BOK: variants seen among roughly 807,000 people sequenced by gnomAD.
BOK encodes BCL2 family apoptosis regulator BOK, also known as bcl-2-related ovarian killer protein.
A neutral mutation model predicts 18.3 loss-of-function variants in BOK; 20 were observed. That is an observed-to-expected ratio of 1.09 (90% CI 0.77 to 1.59). BOK has a LOEUF of 1.59. Ranked by LOEUF, BOK falls within the 40% of genes most tolerant of loss-of-function variation. The pLI, the probability that BOK is intolerant of heterozygous loss-of-function variation, is 0.00. For synonymous variants in BOK, 173 were observed against 142.4 expected, an observed-to-expected ratio of 1.21 and a Z score of -1.53; for missense variants, 348 against 307.9, an observed-to-expected ratio of 1.13 and a Z score of -0.97.
At chr2:241,559,053 G>C (rs1377306871) in intron 1 of BOK, 60 bp downstream of exon 1, 1 of 152,206 alleles carries the variant, frequency 6.6e-6, no homozygotes, top group African/African-American at 2.4e-5. Flanking sequence ...GGAACGGCGA[G>C]GCCGGGGACA....
chr2:241,557,623 CCTT>C (rs991295674), upstream of BOK, among the ~76,000 whole-genome samples: 36 of 152,218 alleles, frequency 2.4e-4, no homozygotes, highest in African/African-American at 7.7e-4. Flanking sequence ...AATTTTCAAT[CCTT>C]CTTCTAAAGC....
chr2:241,573,740 C>T lies in BOK; in HGVS notation c.*1318C>T, dbSNP rs115909425. On this transcript the variant is annotated 3_prime_UTR_variant, in exon 5 of 5. Transcript: ENST00000318407. ...ATTTTTGTGCTCATCCTCATACAAC[C>T]ATTTGGGGATGTGCCTATTAGGGCT... 6.6e-6 allele frequency: 1 copy of T among 152,244 alleles called. No individual in the cohort carries two copies. Among genetic ancestry groups the T allele is most frequent in the African/African-American group, 2.4e-5 (1 of 41,450 alleles). 9.4% of individuals were successfully genotyped at this position (152,244 alleles called of 1,614,324 possible). A position where few individuals can be genotyped will look rare whatever the true frequency, so the allele number is the denominator to read the frequency against.
chr2:241,556,049 C>T (rs2066447966), upstream of BOK, among the ~76,000 whole-genome samples: 1 of 152,180 alleles, frequency 6.6e-6, no homozygotes, highest in Non-Finnish European at 1.5e-5. Flanking sequence ...CTGGCCATGC[C>T]CAGTCTTGCA....
chr2:241,554,991 G>A (rs148498364), upstream of BOK, among the ~76,000 whole-genome samples: 990 of 152,216 alleles, frequency 6.5e-3, 14 homozygotes, highest in African/African-American at 0.023. Flanking sequence ...GAAAATCAGG[G>A]CCAAAGGTGA....
At chr2:241,563,534 C>T (rs1034974364) in intron 3 of BOK, among the ~76,000 whole-genome samples, 13 of 152,300 alleles carry the variant, frequency 8.5e-5, no homozygotes, top group South Asian at 2.1e-4. Context: ...CAGTGAACCC[C>T]GGGGTGCGCA....
At chr2:241,559,193 G>T (rs1397356598) in intron 1 of BOK, among the ~76,000 whole-genome samples, 200 bp downstream of exon 1, 1 of 151,620 alleles carries the variant, frequency 6.6e-6, no homozygotes. Flanking sequence ...ACTCGTCTTC[G>T]AGGGCGGGCC....
chr2:241,570,191 G>A lies in BOK; in HGVS notation c.416G>A (p.Arg139Lys), dbSNP rs2066688817. Residue 139 changes from arginine (R) to lysine (K), a missense_variant, in exon 4 of 5, where the codon AGG becomes AAG. By Grantham distance (26) the Arg-to-Lys change is conservative. Coordinates refer to ENST00000318407, the MANE Select transcript of BOK (RefSeq NM_032515.5). ...VAAGLAVDCV[R>K]QAQPAMVHAL... ...GCGGGGCTGGCCGTGGACTGTGTGAGGCAGGCCCAGCCTGCCATGGTCCAC... is the reference window on the plus strand; with the variant it reads ...GCGGGGCTGGCCGTGGACTGTGTGAAGCAGGCCCAGCCTGCCATGGTCCAC... 1.2e-6 allele frequency: 2 copies of A among 1,608,396 alleles called. No individual in the cohort carries two copies. Among genetic ancestry groups the A allele is most frequent in the South Asian group, 2.2e-5 (2 of 90,592 alleles).
At chr2:241,570,507 G>A (rs74201594) in intron 4 of BOK, among the ~76,000 whole-genome samples, 8 of 41,716 alleles carry the variant, frequency 1.9e-4, no homozygotes, top group Non-Finnish European at 9.3e-5. Flanking sequence ...ACGGGAGGGA[G>A]TGGCGGATGG....
At chr2:241,551,828 C>T (rs957350330) in intron 1 of BOK, among the ~76,000 whole-genome samples, 6 of 151,968 alleles carry the variant, frequency 3.9e-5, no homozygotes, top group African/African-American at 9.7e-5. Context: ...CGAGGGTGGG[C>T]TGGGATGGTG....
At chr2:241,569,230 C>G (rs756146606) in intron 3 of BOK, among the ~76,000 whole-genome samples, 4 of 152,224 alleles carry the variant, frequency 2.6e-5, no homozygotes, top group African/African-American at 4.8e-5. Context: ...TCCCCGGGTT[C>G]AAGTGATTCT....
chr2:241,562,552 A>C lies in BOK; in HGVS notation c.349+76A>C. 1.3e-6 allele frequency: 2 copies of C among 1,503,690 alleles called. No homozygotes were observed. Among genetic ancestry groups the C allele is most frequent in the Non-Finnish European group, 1.8e-6 (2 of 1,128,334 alleles). The allele number at this position is 1,503,690 out of a possible 1,614,324, so 93.1% of individuals were successfully genotyped here. A position where few individuals can be genotyped will look rare whatever the true frequency, so the allele number is the denominator to read the frequency against. On this transcript the variant is annotated intron_variant, in intron 3 of 4. Coordinates refer to ENST00000318407, the MANE Select transcript of BOK (RefSeq NM_032515.5). The surrounding 1 kb of genome is among the most constrained non-coding windows in gnomAD (Gnocchi z 4.5). ...TGTGGCTCAGGCTCACAGGGACCCC[A>C]CGAGCTGGCCCCCACCCATCCTGGC... is the stretch of plus-strand genomic sequence containing the variant.
rs574409169 is a variant in BOK at position 241,560,493 on chromosome 2, T to C, written c.220+790T>C. Among the ~76,000 whole-genome samples, 13 of 152,240 alleles carry C rather than the reference T, an allele frequency of 8.5e-5. No homozygotes were observed. In the South Asian group the frequency reaches 2.7e-3, roughly 31 times the overall value. The stretch of plus-strand genomic sequence containing the variant: ...GGCACGACCCCGTGAGGGGACACGC[T>C]GCCTCCTCTCAGGCTGGCGCTGGCA... On this transcript the variant is annotated intron_variant, in intron 2 of 4. Transcript: ENST00000318407.
upstream of BOK, among the ~76,000 whole-genome samples, chr2:241,556,023 C>T (rs1415083946): frequency 1.3e-5 from 2 of 152,172 alleles, no homozygotes; most frequent in African/African-American, 4.8e-5. Context: ...TGGAGTTAGA[C>T]CCCAAGGTTT....
chr2:241,556,669 A>G (rs2066453962), upstream of BOK, among the ~76,000 whole-genome samples: 1 of 152,106 alleles, frequency 6.6e-6, no homozygotes. Context: ...CAGACAGGAA[A>G]GTCATAGCAG....
intron 3 of BOK, among the ~76,000 whole-genome samples, chr2:241,563,724 G>A (rs1049054513): frequency 2.6e-5 from 4 of 152,326 alleles, no homozygotes; most frequent in African/African-American, 9.6e-5. Flanking sequence ...TTGTCTCCAG[G>A]CAGTCCTGAC....
rs2066535509 is a variant in BOK, at chr2:241,562,196, G to T, written c.221-152G>T. ...GGATGGCCCAAGGGAGGTCAGATGG[G>T]GTCAAGTGGAGGTGGGAATCAGACA... On this transcript the variant is annotated intron_variant, in intron 2 of 4. Transcript: ENST00000318407. This position sits in a 1 kb window ranked among gnomAD's most constrained non-coding sequence, Gnocchi z 4.5. The T allele has an allele frequency of 2.9e-6, 3 of 1,052,088 alleles. No individual in the cohort carries two copies. The highest frequency in any genetic ancestry group is 3.2e-5 in the African/African-American group (2 of 61,672). The allele number at this position is 1,052,088 out of a possible 1,614,324, so 65.2% of individuals were successfully genotyped here. A position where few individuals can be genotyped will look rare whatever the true frequency, so the allele number is the denominator to read the frequency against.
upstream of BOK, among the ~76,000 whole-genome samples, chr2:241,554,315 G>A (rs1273040670): frequency 4.4e-5 from 6 of 135,378 alleles, no homozygotes; most frequent in Admixed American, 8.0e-5. Flanking sequence ...GGCTAGGCTG[G>A]GAGAATCCCA....
intron 2 of BOK, among the ~76,000 whole-genome samples, chr2:241,560,662 C>T (rs2066512191): frequency 6.6e-6 from 1 of 152,100 alleles, no homozygotes; most frequent in Admixed American, 6.5e-5. Flanking sequence ...GAGGTGGAGT[C>T]CCATCTGAGA....
chr2:241,561,049 A>G (rs2066519636), intron 2 of BOK, among the ~76,000 whole-genome samples: 1 of 152,192 alleles, frequency 6.6e-6, no homozygotes, highest in African/African-American at 2.4e-5. Context: ...CTGCCGGGTC[A>G]GTCCTGGGAA....
Sources: gnomAD v4.1 joint callset for allele counts (sites outside exome capture counted in the v4.1 genomes callset) on GRCh38, gnomAD v4.1.1 for gene constraint, Gnocchi (gnomAD v3.1) non-coding constraint, MANE v1.5 for transcripts, NCBI Gene and HGNC (gene_info 2026-07-23, HGNC 2026-07-21) for gene names.